Variants in CD37 observed in about 807,000 individuals in gnomAD.
The protein encoded by CD37 is CD37 molecule.
A neutral mutation model predicts 38.9 loss-of-function variants in CD37; 37 were observed. That is an observed-to-expected ratio of 0.95 (90% CI 0.73 to 1.25). CD37 has a LOEUF of 1.25. CD37 is among the 50% of genes most tolerant of loss of function. The pLI is 0.00. For synonymous variants in CD37, 146 were observed against 150.1 expected (o/e 0.97, Z 0.20); for missense variants, 351 against 360.1 (o/e 0.97, Z 0.20).
At position 49,339,251 on chromosome 19, in the gene CD37, G is replaced by A. The variant is rs889319899; in HGVS notation, c.685-79G>A. The stretch of plus-strand genomic sequence containing the variant: ...CGGGTAGATGCCTGAAGACGGTGAG[G>A]GTTGGCCTGAAAAGAACGCTGGGCC... On this transcript the variant is annotated intron_variant, in intron 6 of 7. Transcript: ENST00000323906. The surrounding 1 kb of genome is among the most constrained non-coding windows in gnomAD (Gnocchi z 4.5). 1 of 1,296,392 alleles carries A rather than the reference G, an allele frequency of 7.7e-7. No homozygotes were observed. Among genetic ancestry groups the A allele is most frequent in the Non-Finnish European group, 1.1e-6 (1 of 902,528 alleles). The allele number at this position is 1,296,392 out of a possible 1,614,324, so 80.3% of individuals were successfully genotyped here.
In CD37 at chr19:49,340,260, A is replaced by C; in HGVS notation, c.778A>C (p.Met260Leu). The change falls in exon 8 of 8, where the codon ATG (methionine) becomes CTG (leucine). Residue 260 changes from methionine (M) to leucine (L), a missense_variant. Coordinates refer to ENST00000323906, the MANE Select transcript of CD37 (RefSeq NM_001774.3). ...LGVGLLELGF[M>L]TLSIFLCRNL... is the part of the protein sequence containing the mutation. Reference sequence around the variant, plus strand: ...TCTCCTTTCTCTATAGCTCGGGTTCATGACGCTCTCGATATTCCTGTGCAG... The same window carrying C: ...TCTCCTTTCTCTATAGCTCGGGTTCCTGACGCTCTCGATATTCCTGTGCAG... The C allele has an allele frequency of 6.2e-7, 1 of 1,613,444 alleles. No homozygotes were observed. Among genetic ancestry groups the C allele is most frequent in the Middle Eastern group, 1.6e-4 (1 of 6,062 alleles).
At position 49,336,919 on chromosome 19, in the gene CD37, C is replaced by G. The variant is rs201859925; in HGVS notation, c.153C>G (p.Phe51Leu). ...TSFVSFVGLAFVPLQIWSKVL... is the reference protein window; with the variant it reads ...TSFVSFVGLALVPLQIWSKVL... ...CCTCACCTCTCCCAGGCTTGGCCTT[C>G]GTGCCTCTGCAGATCTGGTCCAAAG... The change falls in exon 3 of 8, where the codon TTC (phenylalanine) becomes TTG (leucine). Residue 51 changes from phenylalanine (F) to leucine (L), a missense_variant. Transcript: ENST00000323906. 6.2e-7 allele frequency: 1 copy of G among 1,614,104 alleles called. No individual in the cohort carries two copies. The highest frequency in any genetic ancestry group is 1.3e-5 in the African/African-American group (1 of 75,054).
Position 49,340,334 on chromosome 19 carries a change from G to T in CD37, c.*6G>T. ...GGCTCGCTCGATACCGTTAGGCCCC[G>T]CCCTCCCCAAAGTCCCGCCCCGCCC... On this transcript the variant is annotated 3_prime_UTR_variant, in exon 8 of 8. Coordinates refer to ENST00000323906, the MANE Select transcript of CD37 (RefSeq NM_001774.3). The T allele has an allele frequency of 6.3e-7, 1 of 1,597,270 alleles. No homozygotes were observed.
At position 49,339,065 on chromosome 19, in the gene CD37, CGGGG is replaced by C; in HGVS notation, c.684+130_684+133del. 2.6e-6 allele frequency: 2 copies of C among 778,516 alleles called. No homozygotes were observed. The highest frequency in any genetic ancestry group is 4.2e-6 in the Non-Finnish European group (2 of 480,260). 48.2% of individuals were successfully genotyped at this position (778,516 alleles called of 1,614,324 possible). Reference sequence around the variant, plus strand: ...AAAAGGAAAGGTACGGCAGGAGGGGCGGGGCCCTCTGAAGGGGGCGGGGTCTGCA... The same window carrying C: ...AAAAGGAAAGGTACGGCAGGAGGGGCCCCTCTGAAGGGGGCGGGGTCTGCA... On this transcript the variant is annotated intron_variant, in intron 6 of 7. Coordinates refer to ENST00000323906, the MANE Select transcript of CD37 (RefSeq NM_001774.3). This position sits in a 1 kb window ranked among gnomAD's most constrained non-coding sequence, Gnocchi z 4.5.
In CD37 at chr19:49,339,961, G is replaced by C; in HGVS notation, c.769-290G>C. 4 of 1,409,600 alleles carry C rather than the reference G, an allele frequency of 2.8e-6. No homozygotes were observed. Among genetic ancestry groups the C allele is most frequent in the Non-Finnish European group, 3.7e-6 (4 of 1,082,786 alleles). The allele number at this position is 1,409,600 out of a possible 1,614,324, so 87.3% of individuals were successfully genotyped here. Reference sequence around the variant, plus strand: ...AGAATTAGAGGAGGCACAATTAGAGGCTGAGGCAGAGGGGGAAGACAGATG... The same window carrying C: ...AGAATTAGAGGAGGCACAATTAGAGCCTGAGGCAGAGGGGGAAGACAGATG... On this transcript the variant is annotated intron_variant, in intron 7 of 7. Coordinates refer to ENST00000323906, the MANE Select transcript of CD37 (RefSeq NM_001774.3). The surrounding 1 kb of genome is among the most constrained non-coding windows in gnomAD (Gnocchi z 4.5).
rs11574659 is a variant in CD37 at position 49,339,257 on chromosome 19, C to G, written c.685-73C>G. On this transcript the variant is annotated intron_variant, in intron 6 of 7. Coordinates refer to ENST00000323906, the MANE Select transcript of CD37 (RefSeq NM_001774.3). The surrounding 1 kb of genome is among the most constrained non-coding windows in gnomAD (Gnocchi z 4.5). ...GATGCCTGAAGACGGTGAGGGTTGG[C>G]CTGAAAAGAACGCTGGGCCTGGGCT... 5.3e-3 allele frequency: 7,241 copies of G among 1,371,194 alleles called. 153 individuals carry two copies. In the African/African-American group the frequency reaches 0.057, roughly 11 times the overall value. 84.9% of individuals were successfully genotyped at this position (1,371,194 alleles called of 1,614,324 possible).
chr19:49,339,804 T>C lies in CD37; in HGVS notation c.768+391T>C. ...GCGGGCACAGCGGCAGTCTGTGGGG[T>C]GGCTGGGGCATGGCGGGTGCCTGCC... On this transcript the variant is annotated intron_variant, in intron 7 of 7. Coordinates refer to ENST00000323906, the MANE Select transcript of CD37 (RefSeq NM_001774.3). This position sits in a 1 kb window ranked among gnomAD's most constrained non-coding sequence, Gnocchi z 4.5. The C allele has an allele frequency of 7.4e-7, 1 of 1,350,300 alleles. No individual in the cohort carries two copies. Among genetic ancestry groups the C allele is most frequent in the Non-Finnish European group, 9.5e-7 (1 of 1,049,800 alleles). 83.6% of individuals were successfully genotyped at this position (1,350,300 alleles called of 1,614,324 possible). A position where few individuals can be genotyped will look rare whatever the true frequency, so the allele number is the denominator to read the frequency against.
Position 49,339,612 on chromosome 19 carries a change from A to G in CD37, c.768+199A>G. On this transcript the variant is annotated intron_variant, in intron 7 of 7. Coordinates refer to ENST00000323906, the MANE Select transcript of CD37 (RefSeq NM_001774.3). The surrounding 1 kb of genome is among the most constrained non-coding windows in gnomAD (Gnocchi z 4.5). The stretch of plus-strand genomic sequence containing the variant: ...GAGCCCTGATTGGGTGTACGCAGGG[A>G]AAGCCTCCTGCTATTGGCTGCGATC... 7.0e-7 allele frequency: 1 copy of G among 1,437,670 alleles called. No individual in the cohort carries two copies. The highest frequency in any genetic ancestry group is 1.4e-5 in the African/African-American group (1 of 69,722). The allele number at this position is 1,437,670 out of a possible 1,614,324, so 89.1% of individuals were successfully genotyped here. A position where few individuals can be genotyped will look rare whatever the true frequency, so the allele number is the denominator to read the frequency against.
At chr19:49,336,103 C>A in intron 2 of CD37, 1 of 421,404 alleles carries the variant, frequency 2.4e-6, no homozygotes, top group Non-Finnish European at 4.3e-6. Context: ...TGTCATACAG[C>A]AAGGACGTAA....
chr19:49,340,291 T>G lies in CD37; in HGVS notation c.809T>G (p.Leu270Arg). ...MTLSIFLCRNLDHVYNRLARY... is the reference protein window; with the variant it reads ...MTLSIFLCRNRDHVYNRLARY... Reference sequence around the variant, plus strand: ...CTCTCGATATTCCTGTGCAGAAACCTGGACCACGTCTACAACCGGCTCGCT... The same window carrying G: ...CTCTCGATATTCCTGTGCAGAAACCGGGACCACGTCTACAACCGGCTCGCT... The change falls in exon 8 of 8, where the codon CTG (leucine) becomes CGG (arginine). Residue 270 changes from leucine (L) to arginine (R), a missense_variant. Physicochemically the swap from Leu to Arg is moderately radical, Grantham distance 102. Coordinates refer to ENST00000323906, the MANE Select transcript of CD37 (RefSeq NM_001774.3). 6.2e-7 allele frequency: 1 copy of G among 1,613,940 alleles called. No individual in the cohort carries two copies. Among genetic ancestry groups the G allele is most frequent in the Non-Finnish European group, 8.5e-7 (1 of 1,179,942 alleles).
chr19:49,340,104 G>A, intron 7 of CD37, 147 bp from the exon 8 acceptor site: 1 of 1,538,024 alleles, frequency 6.5e-7, no homozygotes, highest in Non-Finnish European at 8.7e-7. Flanking sequence ...TTCCCGTCGA[G>A]CCCCGCCCTT....
In CD37 at chr19:49,338,625, C is replaced by G. The variant is rs1456418184; in HGVS notation, c.448-75C>G. 9.2e-7 allele frequency: 1 copy of G among 1,089,938 alleles called. No individual in the cohort carries two copies. The highest frequency in any genetic ancestry group is 1.5e-5 in the African/African-American group (1 of 65,380). The allele number at this position is 1,089,938 out of a possible 1,614,324, so 67.5% of individuals were successfully genotyped here. A position where few individuals can be genotyped will look rare whatever the true frequency, so the allele number is the denominator to read the frequency against. On this transcript the variant is annotated intron_variant, in intron 5 of 7. Coordinates refer to ENST00000323906, the MANE Select transcript of CD37 (RefSeq NM_001774.3). This position sits in a 1 kb window ranked among gnomAD's most constrained non-coding sequence, Gnocchi z 5.0. The stretch of plus-strand genomic sequence containing the variant: ...CCTGCTCCCCGACCTGACCTCATAC[C>G]CATCACCTTGTCCCCTGATCCCCAA...
At chr19:49,336,871 G>A in intron 2 of CD37, 38 bp from the exon 3 acceptor site, 1 of 1,610,504 alleles carries the variant, frequency 6.2e-7, no homozygotes, top group South Asian at 1.1e-5. Flanking sequence ...CTGGAGCTGT[G>A]CCACACAGCT....
Position 49,335,936 on chromosome 19 carries a change from A to G in CD37, c.142+150A>G, listed in dbSNP as rs1312720302. Reference sequence around the variant, plus strand: ...CTCACCGGAGGCTTCTTGGAGCCTGAGTCTTCTTCCGGCAAATGGGGTTGT... The same window carrying G: ...CTCACCGGAGGCTTCTTGGAGCCTGGGTCTTCTTCCGGCAAATGGGGTTGT... On this transcript the variant is annotated intron_variant, in intron 2 of 7. Coordinates refer to ENST00000323906, the MANE Select transcript of CD37 (RefSeq NM_001774.3). The surrounding 1 kb of genome is among the most constrained non-coding windows in gnomAD (Gnocchi z 4.6). The G allele has an allele frequency of 2.9e-6, 2 of 683,578 alleles. No homozygotes were observed. Among genetic ancestry groups the G allele is most frequent in the East Asian group, 5.0e-5 (2 of 40,170 alleles). The allele number at this position is 683,578 out of a possible 1,614,324, so 42.3% of individuals were successfully genotyped here. A position where few individuals can be genotyped will look rare whatever the true frequency, so the allele number is the denominator to read the frequency against.
Position 49,337,138 on chromosome 19 carries a change from G to A in CD37, c.268-9G>A. ...GTGGTCAGCCTGATCTCTCCACTCT[G>A]CTCCCCAGTATTTTGGGATGCTGCT... is the stretch of plus-strand genomic sequence containing the variant. On this transcript the variant is annotated splice_polypyrimidine_tract_variant and intron_variant, in intron 3 of 7. Transcript: ENST00000323906. The A allele has an allele frequency of 1.2e-6, 2 of 1,614,156 alleles. No homozygotes were observed. The highest frequency in any genetic ancestry group is 1.7e-6 in the Non-Finnish European group (2 of 1,180,014).
chr19:49,340,438 C>A lies in CD37; in HGVS notation c.*110C>A. Reference sequence around the variant, plus strand: ...CAGTTCGCCTGGAGCCCTCCGCCTTCACATTCCCCTGGGGACCCACGTGGC... The same window carrying A: ...CAGTTCGCCTGGAGCCCTCCGCCTTAACATTCCCCTGGGGACCCACGTGGC... On this transcript the variant is annotated 3_prime_UTR_variant, in exon 8 of 8. Coordinates refer to ENST00000323906, the MANE Select transcript of CD37 (RefSeq NM_001774.3). The A allele has an allele frequency of 1.2e-6, 1 of 807,828 alleles. No individual in the cohort carries two copies. Among genetic ancestry groups the A allele is most frequent in the Admixed American group, 2.0e-5 (1 of 51,214 alleles). The allele number at this position is 807,828 out of a possible 1,614,324, so 50.0% of individuals were successfully genotyped here.
chr19:49,339,976 G>C lies in CD37; in HGVS notation c.769-275G>C, dbSNP rs1457708386. The C allele has an allele frequency of 1.4e-6, 2 of 1,426,164 alleles. No individual in the cohort carries two copies. Among genetic ancestry groups the C allele is most frequent in the Non-Finnish European group, 9.2e-7 (1 of 1,092,378 alleles). 88.3% of individuals were successfully genotyped at this position (1,426,164 alleles called of 1,614,324 possible). ...ACAATTAGAGGCTGAGGCAGAGGGGGAAGACAGATGAGCCTCCAAAATAAA... is the reference window on the plus strand; with the variant it reads ...ACAATTAGAGGCTGAGGCAGAGGGGCAAGACAGATGAGCCTCCAAAATAAA... On this transcript the variant is annotated intron_variant, in intron 7 of 7. Coordinates refer to ENST00000323906, the MANE Select transcript of CD37 (RefSeq NM_001774.3). This position sits in a 1 kb window ranked among gnomAD's most constrained non-coding sequence, Gnocchi z 4.5.
chr19:49,337,155 G>T lies in CD37; in HGVS notation c.276G>T (p.Gly92=), dbSNP rs1192555187. The change falls in exon 4 of 8, where the codon GGG becomes GGT. Residue 92 remains glycine, a synonymous_variant. Transcript: ENST00000323906. The stretch of plus-strand genomic sequence containing the variant: ...TCCACTCTGCTCCCCAGTATTTTGG[G>T]ATGCTGCTGCTCCTGTTTGCCACAC... ...ELRCLLGLYF[G]MLLLLFATQI... The T allele has an allele frequency of 3.1e-6, 5 of 1,614,090 alleles. No homozygotes were observed. The African/African-American group carries it at 5.3e-5, about 17-fold the overall frequency.
Position 49,340,506 on chromosome 19 carries a change from C to G in CD37, c.*178C>G, listed in dbSNP as rs1971193926. On this transcript the variant is annotated 3_prime_UTR_variant, in exon 8 of 8. Coordinates refer to ENST00000323906, the MANE Select transcript of CD37 (RefSeq NM_001774.3). Reference sequence around the variant, plus strand: ...GTCACCTCTCCCACGGGACCTGGGGCTTTCGTCCACAGCTTCCTGTCCCCA... The same window carrying G: ...GTCACCTCTCCCACGGGACCTGGGGGTTTCGTCCACAGCTTCCTGTCCCCA... 7.7e-6 allele frequency: 5 copies of G among 645,302 alleles called. No individual in the cohort carries two copies. The South Asian group carries it at 8.7e-5, about 11-fold the overall frequency. 40.0% of individuals were successfully genotyped at this position (645,302 alleles called of 1,614,324 possible). A position where few individuals can be genotyped will look rare whatever the true frequency, so the allele number is the denominator to read the frequency against.
Sources: gnomAD v4.1 joint callset for allele counts on GRCh38, gnomAD v4.1.1 for gene constraint, Gnocchi (gnomAD v3.1) non-coding constraint, MANE v1.5 for transcripts, NCBI Gene and HGNC (gene_info 2026-07-23, HGNC 2026-07-21) for gene names.